Variants in STRN observed in about 807,000 individuals in gnomAD.
STRN encodes the protein protein phosphatase 2 regulatory subunit B'''alpha.
STRN carries 53 observed loss-of-function variants against 96.3 expected under a neutral mutation model. The observed-to-expected ratio is 0.55, with a 90% CI of 0.44 to 0.69. The LOEUF (loss-of-function observed/expected upper bound fraction) is 0.69. STRN is among the 30% of genes least tolerant of loss of function. The pLI, the probability that STRN is intolerant of heterozygous loss-of-function variation, is 0.00. For synonymous variants in STRN, 428 were observed against 355.9 expected (o/e 1.20, Z -2.28); for missense variants, 987 against 963.9 (o/e 1.02, Z -0.32).
intron 1 of STRN, among the ~76,000 whole-genome samples, chr2:36,926,791 G>T (rs1339187549): frequency 6.6e-6 from 1 of 152,034 alleles, no homozygotes; most frequent in Non-Finnish European, 1.5e-5. Context: ...AGAGGAAAAG[G>T]CATCAAATAA....
At chr2:36,874,603 C>T (rs1001726748) in intron 10 of STRN, among the ~76,000 whole-genome samples, 10 of 150,156 alleles carry the variant, frequency 6.7e-5, no homozygotes, top group African/African-American at 2.4e-4. Flanking sequence ...AAAATAGACA[C>T]AGATAATAAT....
intron 1 of STRN, among the ~76,000 whole-genome samples, chr2:36,944,616 C>G (rs1490723892): frequency 1.3e-5 from 2 of 152,046 alleles, no homozygotes; most frequent in Non-Finnish European, 2.9e-5. Context: ...AACTGTAACA[C>G]TAACCTGAAA....
In STRN at chr2:36,863,882, A is replaced by T. The variant is rs557866335; in HGVS notation, c.1548-2629T>A. Among the ~76,000 whole-genome samples, 129 of 152,138 alleles carry T rather than the reference A, an allele frequency of 8.5e-4. 2 individuals carry two copies. The highest frequency in any genetic ancestry group is 4.8e-3 in the South Asian group (23 of 4,820). On this transcript the variant is annotated intron_variant, in intron 12 of 17. Transcript: ENST00000263918. The stretch of plus-strand genomic sequence containing the variant: ...GTAGAGATCTTTCACCTCCATGGTT[A>T]GCTATATTCCTAGTTATTTTATCTT...
intron 8 of STRN, among the ~76,000 whole-genome samples, chr2:36,884,897 T>C (rs1184593180): frequency 6.6e-6 from 1 of 152,188 alleles, no homozygotes; most frequent in Non-Finnish European, 1.5e-5. Flanking sequence ...TTCAGTTCTA[T>C]TTTTATCCTA....
chr2:36,853,107 A>G (rs1572622402), intron 15 of STRN, among the ~76,000 whole-genome samples: 1 of 152,100 alleles, frequency 6.6e-6, no homozygotes, highest in East Asian at 1.9e-4. Flanking sequence ...CAGTAAGCTG[A>G]GATCGCACCA....
intron 1 of STRN, among the ~76,000 whole-genome samples, chr2:36,962,722 C>G (rs1004665383): frequency 6.6e-6 from 1 of 152,030 alleles, no homozygotes; most frequent in Non-Finnish European, 1.5e-5. Flanking sequence ...TTGGCCAGGA[C>G]GGTCTCGATA....
At chr2:36,899,310 A>G (rs1029414106) in intron 6 of STRN, among the ~76,000 whole-genome samples, 12 of 152,220 alleles carry the variant, frequency 7.9e-5, no homozygotes, top group African/African-American at 2.9e-4. Flanking sequence ...GAATGAACAA[A>G]AAGTCAAACA....
chr2:36,944,003 C>T (rs533017114), intron 1 of STRN, among the ~76,000 whole-genome samples: 1 of 151,992 alleles, frequency 6.6e-6, no homozygotes, highest in Admixed American at 6.6e-5. Flanking sequence ...ACCTGTAATC[C>T]CAGCTACTTG....
rs935184154 is a variant in STRN, at chr2:36,838,286, C to G, written c.*11170G>C. Among the ~76,000 whole-genome samples the G allele has an allele frequency of 6.6e-6, 1 of 152,140 alleles. No homozygotes were observed. Among genetic ancestry groups the G allele is most frequent in the Non-Finnish European group, 1.5e-5 (1 of 68,036 alleles). On this transcript the variant is annotated 3_prime_UTR_variant, in exon 18 of 18. Transcript: ENST00000263918. Reference sequence around the variant, plus strand: ...CCTCTGACTTTAATGAGGCTGGAAGCGAATTCCTCCTCAGAGCTTTAGTTG... The same window carrying G: ...CCTCTGACTTTAATGAGGCTGGAAGGGAATTCCTCCTCAGAGCTTTAGTTG...
chr2:36,944,268 A>G (rs1374188270), intron 1 of STRN, among the ~76,000 whole-genome samples: 2 of 152,226 alleles, frequency 1.3e-5, no homozygotes, highest in Non-Finnish European at 2.9e-5. Context: ...AAAACGTTAT[A>G]AAGAAGGAAA....
chr2:36,916,378 T>C (rs1670100260), intron 2 of STRN, among the ~76,000 whole-genome samples: 1 of 152,136 alleles, frequency 6.6e-6, no homozygotes. Flanking sequence ...GGAATAACTC[T>C]GGGAATCATT....
chr2:36,947,289 G>GT (rs1664599837), intron 1 of STRN, among the ~76,000 whole-genome samples: 1 of 151,970 alleles, frequency 6.6e-6, no homozygotes, highest in Non-Finnish European at 1.5e-5. Flanking sequence ...AACTACCTGA[G>GT]TTTCAACTAT....
intron 13 of STRN, among the ~76,000 whole-genome samples, chr2:36,859,497 T>C (rs1268613350): frequency 6.6e-6 from 1 of 152,090 alleles, no homozygotes; most frequent in Non-Finnish European, 1.5e-5. Flanking sequence ...TAAAAAAGAA[T>C]ATACGAGAGA....
intron 1 of STRN, among the ~76,000 whole-genome samples, chr2:36,932,175 G>A (rs535209179): frequency 6.6e-6 from 1 of 150,938 alleles, no homozygotes; most frequent in Non-Finnish European, 1.5e-5. Context: ...CTTTTTTTTT[G>A]AGACAGTCTC....
chr2:36,886,735 C>T lies in STRN; in HGVS notation c.1023G>A (p.Lys341=), dbSNP rs1669239671. The change falls in exon 8 of 18, where the codon AAG becomes AAA. Residue 341 remains lysine (K), a synonymous_variant. Transcript: ENST00000263918. ...KLKEQYKKER[K]GKKGVKRPNR... Reference sequence around the variant, plus strand: ...ACTTACTCTTCACCCCCTTTTTCCCCTTTCTCTCCTTTTTGTATTGTTCCT... The same window carrying T: ...ACTTACTCTTCACCCCCTTTTTCCCTTTTCTCTCCTTTTTGTATTGTTCCT... 9 of 1,608,928 alleles carry T rather than the reference C, an allele frequency of 5.6e-6. No homozygotes were observed. Among genetic ancestry groups the T allele is most frequent in the African/African-American group, 4.0e-5 (3 of 74,662 alleles).
intron 13 of STRN, among the ~76,000 whole-genome samples, chr2:36,859,642 T>C (rs1056192497): frequency 6.6e-6 from 1 of 152,214 alleles, no homozygotes; most frequent in Admixed American, 6.5e-5. Context: ...TCTCAAGGAA[T>C]GTTTGTACAC....
intron 1 of STRN, among the ~76,000 whole-genome samples, chr2:36,928,080 T>C (rs1488693784): frequency 1.3e-5 from 2 of 152,178 alleles, no homozygotes; most frequent in African/African-American, 4.8e-5. Flanking sequence ...TTTTACCTTT[T>C]TTTTCTCTAG....
intron 1 of STRN, among the ~76,000 whole-genome samples, chr2:36,945,010 T>G (rs982551767): frequency 6.6e-6 from 1 of 152,164 alleles, no homozygotes; most frequent in Non-Finnish European, 1.5e-5. Flanking sequence ...AAATCAAGTG[T>G]ATATATAGCC....
rs1181759237 is a variant in STRN, at chr2:36,846,412, TATATATATATATATATAG to T, written c.*3026_*3043del. The stretch of plus-strand genomic sequence containing the variant: ...TTATATATATATATATATATATATA[TATATATATATATATATAG>T]TTTATATATTATATATATTCTTACA... On this transcript the variant is annotated 3_prime_UTR_variant, in exon 18 of 18. Transcript: ENST00000263918. 1 of 132,880 alleles carries T rather than the reference TATATATATATATATATAG, an allele frequency of 7.5e-6. No individual in the cohort carries two copies. The highest frequency in any genetic ancestry group is 2.9e-5 in the African/African-American group (1 of 34,656). The allele number at this position is 132,880 out of a possible 1,614,324, so 8.2% of individuals were successfully genotyped here.
Sources: allele counts gnomAD v4.1 joint callset (sites outside exome capture counted in the v4.1 genomes callset), GRCh38; gene constraint gnomAD v4.1.1; transcripts MANE v1.5; gene names NCBI Gene and HGNC (gene_info 2026-07-23, HGNC 2026-07-21).